Variants in KCNQ5 observed in about 807,000 individuals in gnomAD.
KCNQ5 encodes the protein potassium voltage-gated channel subfamily KQT member 5.
In KCNQ5, 30 loss-of-function variants were observed where a neutral mutation model predicts 98.2. The ratio of observed to expected loss-of-function variants is 0.31; its 90% confidence interval spans 0.23 to 0.41. KCNQ5 has a LOEUF of 0.41. Among genes scored for constraint, KCNQ5 ranks in the 10% least tolerant of loss-of-function variants. KCNQ5 has a pLI of 1.00. For missense variants in KCNQ5, 835 were observed against 1,182.5 expected, an observed-to-expected ratio of 0.71 and a Z score of 4.31; for synonymous variants, 458 against 449.4, an observed-to-expected ratio of 1.02 and a Z score of -0.24.
At chr6:73,141,903 T>A (rs1327928205) in intron 10 of KCNQ5, among the ~76,000 whole-genome samples, 1 of 152,214 alleles carries the variant, frequency 6.6e-6, no homozygotes, top group African/African-American at 2.4e-5. Flanking sequence ...AATCTCACAG[T>A]TTCTATGGTC....
At chr6:72,945,458 GTT>G (rs775347849) in intron 1 of KCNQ5, among the ~76,000 whole-genome samples, 20 of 111,684 alleles carry the variant, frequency 1.8e-4, no homozygotes, top group Middle Eastern at 5.9e-3. Flanking sequence ...CTGTGTCCAT[GTT>G]TTTTTTTTTT....
intron 10 of KCNQ5, among the ~76,000 whole-genome samples, chr6:73,153,038 G>T (rs1777216722): frequency 6.6e-6 from 1 of 152,156 alleles, no homozygotes; most frequent in Admixed American, 6.5e-5. Flanking sequence ...GCTGGAATAG[G>T]AGAGGACCAT....
intron 1 of KCNQ5, among the ~76,000 whole-genome samples, chr6:72,732,981 A>C (rs1158997211): frequency 6.6e-6 from 1 of 152,180 alleles, no homozygotes; most frequent in Non-Finnish European, 1.5e-5. Context: ...TACTCTTCAT[A>C]AAGAAGTGAA....
intron 1 of KCNQ5, among the ~76,000 whole-genome samples, chr6:72,721,373 T>C (rs1769950317): frequency 6.6e-6 from 1 of 152,200 alleles, no homozygotes. Context: ...CAAACTAGTG[T>C]GTAAACAAGC....
In KCNQ5 at chr6:72,719,781, CA is replaced by C. The variant is rs1263539988; in HGVS notation, c.398+97195del. Among the ~76,000 whole-genome samples the C allele has an allele frequency of 2.6e-5, 4 of 152,174 alleles. No homozygotes were observed. The East Asian group carries it at 7.7e-4, about 29-fold the overall frequency. On this transcript the variant is annotated intron_variant, in intron 1 of 13. Coordinates refer to ENST00000370398, the MANE Select transcript of KCNQ5 (RefSeq NM_019842.4). ...GGACAGTGCAGTGTCACTCTCTCAG[CA>C]CCAGCTCTAGAACCCTCTAATGCAG...
intron 1 of KCNQ5, among the ~76,000 whole-genome samples, chr6:72,690,116 T>C (rs1185124877): frequency 6.6e-6 from 1 of 151,918 alleles, no homozygotes; most frequent in Non-Finnish European, 1.5e-5. Context: ...CTACTAAAAA[T>C]ATAAAAATTA....
At chr6:72,861,120 G>A (rs1777746290) in intron 1 of KCNQ5, among the ~76,000 whole-genome samples, 1 of 151,998 alleles carries the variant, frequency 6.6e-6, no homozygotes, top group Non-Finnish European at 1.5e-5. Context: ...TAGAAGAGTG[G>A]CCACCAGGCA....
chr6:73,106,462 C>G (rs775107362), intron 6 of KCNQ5, among the ~76,000 whole-genome samples: 1 of 152,206 alleles, frequency 6.6e-6, no homozygotes, highest in Non-Finnish European at 1.5e-5. Context: ...TATTGTCTCA[C>G]AGTTCCCAAG....
At chr6:73,141,147 A>G (rs1776688828) in intron 10 of KCNQ5, among the ~76,000 whole-genome samples, 1 of 152,230 alleles carries the variant, frequency 6.6e-6, no homozygotes. Context: ...GTCCAAGATC[A>G]TGGTGCTGGA....
chr6:72,971,477 C>T (rs1308934692), intron 1 of KCNQ5, among the ~76,000 whole-genome samples: 2 of 152,242 alleles, frequency 1.3e-5, no homozygotes, highest in Admixed American at 1.3e-4. Context: ...ACCATTTGAC[C>T]CAGCCATCCC....
chr6:72,643,850 G>C (rs1298404262), intron 1 of KCNQ5, among the ~76,000 whole-genome samples: 1 of 152,102 alleles, frequency 6.6e-6, no homozygotes, highest in Non-Finnish European at 1.5e-5. Flanking sequence ...GCATAAGAAT[G>C]TTCCCTGAAA....
chr6:72,653,135 T>C lies in KCNQ5; in HGVS notation c.398+30548T>C, dbSNP rs555048885. ...AAGAGACCTCTCCCTTGGATTTTCG[T>C]TATAATATGTTTCACTTGCCACATT... On this transcript the variant is annotated intron_variant, in intron 1 of 13. Transcript: ENST00000370398. 1.6e-4 allele frequency among the ~76,000 whole-genome samples: 24 copies of C among 152,082 alleles called. No homozygotes were observed. In the East Asian group the frequency reaches 4.5e-3, roughly 28 times the overall value.
At chr6:72,963,835 A>C (rs1427864966) in intron 1 of KCNQ5, among the ~76,000 whole-genome samples, 1 of 151,960 alleles carries the variant, frequency 6.6e-6, no homozygotes, top group Non-Finnish European at 1.5e-5. Flanking sequence ...GCTAATTGTT[A>C]GTATTTTTTA....
At position 73,116,412 on chromosome 6, in the gene KCNQ5, C is replaced by T. The variant is rs375756398; in HGVS notation, c.1126-4071C>T. ...GGACGCAAGTGGCTCATGCCTGCAA[C>T]CCCCGCACTTTGAGAGGCTAAGGTG... On this transcript the variant is annotated intron_variant, in intron 7 of 13. Coordinates refer to ENST00000370398, the MANE Select transcript of KCNQ5 (RefSeq NM_019842.4). 2.6e-3 allele frequency among the ~76,000 whole-genome samples: 397 copies of T among 152,174 alleles called. 5 individuals carry two copies. The highest frequency in any genetic ancestry group is 9.3e-3 in the African/African-American group (385 of 41,500).
intron 3 of KCNQ5, chr6:73,055,835 C>T: frequency 1.4e-6 from 1 of 733,114 alleles, no homozygotes. Context: ...GTTGTGGCTG[C>T]CCAGGGCAAA....
intron 3 of KCNQ5, among the ~76,000 whole-genome samples, chr6:73,063,721 T>TAGATGATAGATAGATA (rs1554203585): frequency 6.6e-4 from 63 of 96,072 alleles, no homozygotes; most frequent in Middle Eastern, 5.0e-3. Context: ...GATAGATAGA[T>TAGATGATAGATAGATA]GATAGATAGA....
intron 3 of KCNQ5, chr6:73,055,048 A>T (rs907089518): frequency 1.7e-6 from 1 of 598,304 alleles, no homozygotes; most frequent in African/African-American, 1.8e-5. Flanking sequence ...CACCAACAAC[A>T]TCCAAGCTGA....
chr6:72,821,328 A>G (rs1582355021), intron 1 of KCNQ5, among the ~76,000 whole-genome samples: 1 of 152,226 alleles, frequency 6.6e-6, no homozygotes, highest in South Asian at 2.1e-4. Context: ...GGAATACAAG[A>G]GATCCATCCT....
intron 9 of KCNQ5, chr6:73,125,283 C>T (rs769802383): frequency 2.4e-5 from 8 of 338,884 alleles, no homozygotes; most frequent in East Asian, 9.0e-5. Flanking sequence ...AGAGGGAATA[C>T]GAGGTGAAAG....
Sources: allele counts gnomAD v4.1 joint callset (sites outside exome capture counted in the v4.1 genomes callset), GRCh38; gene constraint gnomAD v4.1.1; transcripts MANE v1.5; gene names NCBI Gene and HGNC (gene_info 2026-07-23, HGNC 2026-07-21).